DGKB: variants seen among roughly 807,000 people sequenced by gnomAD.
The protein encoded by DGKB is diacylglycerol kinase beta.
DGKB carries 67 observed loss-of-function variants against 114.3 expected under a neutral mutation model. The observed-to-expected ratio is 0.59, with a 90% confidence interval of 0.48 to 0.72. The LOEUF is 0.72. DGKB is among the 30% of genes least tolerant of loss of function. The pLI, the probability that DGKB is intolerant of heterozygous loss-of-function variation, is 0.00. For synonymous variants in DGKB, 398 were observed against 323.1 expected (o/e 1.23, Z -2.49); for missense variants, 907 against 975.2 (o/e 0.93, Z 0.93).
chr7:14,847,808 T>A (rs1399463977), intron 1 of DGKB, among the ~76,000 whole-genome samples: 1 of 152,188 alleles, frequency 6.6e-6, no homozygotes, highest in Non-Finnish European at 1.5e-5. Context: ...AAAAGTTAAA[T>A]AATTTTAAAC....
At chr7:14,944,823 T>A (rs189665219) in intron 1 of DGKB, among the ~76,000 whole-genome samples, 19 of 146,328 alleles carry the variant, frequency 1.3e-4, no homozygotes, top group African/African-American at 4.6e-4. Context: ...GGAAAAAAAA[T>A]GAATTAAAAT....
intron 23 of DGKB, among the ~76,000 whole-genome samples, chr7:14,329,444 T>C (rs1809322136): frequency 6.6e-6 from 1 of 152,036 alleles, no homozygotes; most frequent in African/African-American, 2.4e-5. Context: ...TGAAGTTTTA[T>C]TCTCAATTAG....
chr7:14,217,134 C>T (rs536772928), intron 23 of DGKB, among the ~76,000 whole-genome samples: 71 of 152,218 alleles, frequency 4.7e-4, no homozygotes, highest in African/African-American at 1.5e-3. Context: ...AGTCTAGTCT[C>T]TAAGGAACTC....
chr7:14,447,172 C>T (rs1340224232), intron 21 of DGKB, among the ~76,000 whole-genome samples: 5 of 152,080 alleles, frequency 3.3e-5, no homozygotes, highest in Non-Finnish European at 7.4e-5. Flanking sequence ...CTTTAGCTCC[C>T]CCATCAGGGT....
At chr7:14,451,004 AGC>A (rs1563209317) in intron 21 of DGKB, among the ~76,000 whole-genome samples, 1 of 152,066 alleles carries the variant, frequency 6.6e-6, no homozygotes, top group Non-Finnish European at 1.5e-5. Flanking sequence ...GGGTCTCCAC[AGC>A]GGATACCAGT....
At chr7:14,768,288 C>T (rs1272671946) in intron 2 of DGKB, among the ~76,000 whole-genome samples, 1 of 151,888 alleles carries the variant, frequency 6.6e-6, no homozygotes, top group Non-Finnish European at 1.5e-5. Flanking sequence ...ACTAACTGGA[C>T]ACATAATTAA....
chr7:14,698,296 A>G (rs768547314), intron 7 of DGKB, 127 bp from the exon 8 acceptor site: 54 of 583,264 alleles, frequency 9.3e-5, no homozygotes, highest in Non-Finnish European at 1.1e-4. Flanking sequence ...GGGAATATAT[A>G]TATGTACATA....
chr7:14,904,632 C>A (rs1783578160), upstream of DGKB, among the ~76,000 whole-genome samples: 1 of 152,180 alleles, frequency 6.6e-6, no homozygotes, highest in Non-Finnish European at 1.5e-5. Context: ...TCAATTTTAA[C>A]AGATTTTATC....
At chr7:14,801,514 A>G (rs1012572827) in intron 2 of DGKB, among the ~76,000 whole-genome samples, 1 of 152,164 alleles carries the variant, frequency 6.6e-6, no homozygotes, top group Non-Finnish European at 1.5e-5. Context: ...GCCCTCCCCA[A>G]TGTGAGTGGG....
chr7:14,161,256 G>A (rs780136684), intron 25 of DGKB, among the ~76,000 whole-genome samples: 19 of 152,278 alleles, frequency 1.2e-4, no homozygotes, highest in South Asian at 2.1e-4. Flanking sequence ...ACAGTGTGGC[G>A]ATTTCTCAAG....
intron 23 of DGKB, among the ~76,000 whole-genome samples, chr7:14,222,137 T>C (rs11772529): frequency 0.2 from 30,536 of 150,672 alleles, 4,043 homozygotes; most frequent in African/African-American, 0.34. Context: ...TTTTTCACTT[T>C]CCTATTTCAC....
At chr7:14,452,140 T>C (rs1652631809) in intron 21 of DGKB, among the ~76,000 whole-genome samples, 1 of 152,048 alleles carries the variant, frequency 6.6e-6, no homozygotes, top group African/African-American at 2.4e-5. Context: ...TCCTGCCCAA[T>C]AGAAAAGAAC....
At chr7:14,840,575 GT>G (rs1190709149) in intron 2 of DGKB, among the ~76,000 whole-genome samples, 1 of 152,036 alleles carries the variant, frequency 6.6e-6, no homozygotes, top group Non-Finnish European at 1.5e-5. Flanking sequence ...CCTATCACTT[GT>G]ATCAATGCAC....
chr7:14,438,998 T>C (rs2128808078), intron 21 of DGKB, among the ~76,000 whole-genome samples: 1 of 152,170 alleles, frequency 6.6e-6, no homozygotes, highest in African/African-American at 2.4e-5. Flanking sequence ...CCTTTTTTTT[T>C]TCTTTTAGTT....
At chr7:14,667,063 C>T (rs969672227) in intron 13 of DGKB, among the ~76,000 whole-genome samples, 2 of 151,924 alleles carry the variant, frequency 1.3e-5, no homozygotes, top group East Asian at 1.9e-4. Context: ...CTGTGAAAGC[C>T]GTTTGTAATG....
At chr7:14,444,109 T>A (rs1830432550) in intron 21 of DGKB, among the ~76,000 whole-genome samples, 1 of 151,890 alleles carries the variant, frequency 6.6e-6, no homozygotes, top group Non-Finnish European at 1.5e-5. Context: ...GGCTTGTTTT[T>A]CAAATAAATT....
At chr7:14,196,026 T>G (rs1448227739) in intron 23 of DGKB, among the ~76,000 whole-genome samples, 1 of 152,174 alleles carries the variant, frequency 6.6e-6, no homozygotes, top group East Asian at 1.9e-4. Context: ...TAGAACTGTT[T>G]GTTGCCGAAA....
intron 1 of DGKB, among the ~76,000 whole-genome samples, chr7:14,912,822 G>A (rs180990257): frequency 4.6e-5 from 7 of 151,990 alleles, no homozygotes; most frequent in East Asian, 1.9e-4. Context: ...TGTCCCATAC[G>A]TCTACCTCTT....
chr7:14,363,602 T>C lies in DGKB; in HGVS notation c.1836-18211A>G, dbSNP rs990951702. 4.6e-5 allele frequency among the ~76,000 whole-genome samples: 7 copies of C among 152,180 alleles called. No individual in the cohort carries two copies. In the East Asian group the frequency reaches 1.4e-3, roughly 29 times the overall value. ...TTATGAAGAGATAAGATTGTGCTAG[T>C]GGGTTACGGTTAGGTATTTAGCTGT... On this transcript the variant is annotated intron_variant, in intron 21 of 25. Transcript: ENST00000402815.
Sources: gnomAD v4.1 joint callset for allele counts (sites outside exome capture counted in the v4.1 genomes callset) on GRCh38, gnomAD v4.1.1 for gene constraint, MANE v1.5 for transcripts, NCBI Gene and HGNC (gene_info 2026-07-23, HGNC 2026-07-21) for gene names.